CNTNAP2: variants seen among roughly 807,000 people sequenced by gnomAD.
The protein encoded by CNTNAP2 is contactin-associated protein-like 2.
CNTNAP2 carries 98 observed loss-of-function variants against 155.2 expected under a neutral mutation model. That is an observed-to-expected ratio of 0.63 (90% CI 0.54 to 0.75). The LOEUF is 0.75. Among genes scored for constraint, CNTNAP2 ranks in the 30% least tolerant of loss-of-function variants. CNTNAP2 has a pLI of 0.00. For missense variants in CNTNAP2, 1,727 were observed against 1,688.1 expected (o/e 1.02, Z -0.40); for synonymous variants, 651 against 631.2 (o/e 1.03, Z -0.47).
At chr7:147,834,016 G>A (rs1368509372) in intron 13 of CNTNAP2, among the ~76,000 whole-genome samples, 1 of 152,152 alleles carries the variant, frequency 6.6e-6, no homozygotes, top group South Asian at 2.1e-4. Flanking sequence ...CACCTCAAAG[G>A]AAGAATTGAA....
intron 21 of CNTNAP2, among the ~76,000 whole-genome samples, chr7:148,295,748 C>T (rs879820352): frequency 4.6e-5 from 7 of 152,178 alleles, no homozygotes; most frequent in Non-Finnish European, 8.8e-5. Flanking sequence ...GCCTCGGCCT[C>T]CCAAAGTGCT....
chr7:147,395,535 A>G, intron 9 of CNTNAP2, 74 bp from the exon 10 acceptor site: 1 of 1,436,230 alleles, frequency 7.0e-7, no homozygotes, highest in South Asian at 1.2e-5. Flanking sequence ...GTGGCCAGGT[A>G]GAATACCCAC....
rs571126520 is a variant in CNTNAP2 at position 147,963,257 on chromosome 7, A to G, written c.2256-14605A>G. On this transcript the variant is annotated intron_variant, in intron 14 of 23. Coordinates refer to ENST00000361727, the MANE Select transcript of CNTNAP2 (RefSeq NM_014141.6). ...AAGAATGTGCTATAGAGACAAAGAG[A>G]TAAATATCTGAAACCAAGGCCCCAG... Among the ~76,000 whole-genome samples, 68 of 152,276 alleles carry G rather than the reference A, an allele frequency of 4.5e-4. 1 individual carries two copies. Among genetic ancestry groups the G allele is most frequent in the African/African-American group, 1.5e-3 (64 of 41,574 alleles).
In CNTNAP2 at chr7:146,277,358, G is replaced by A. The variant is rs535582269; in HGVS notation, c.97+160385G>A. Among the ~76,000 whole-genome samples the A allele has an allele frequency of 2.0e-3, 309 of 152,264 alleles. 3 individuals are homozygous for A. Among genetic ancestry groups the A allele is most frequent in the African/African-American group, 7.0e-3 (290 of 41,554 alleles). On this transcript the variant is annotated intron_variant, in intron 1 of 23. Coordinates refer to ENST00000361727, the MANE Select transcript of CNTNAP2 (RefSeq NM_014141.6). ...ACCTAGAAAGAAGAAATATATAGGAGTAAAAGTCATGAACGGCAGCTTGCA... is the reference window on the plus strand; with the variant it reads ...ACCTAGAAAGAAGAAATATATAGGAATAAAAGTCATGAACGGCAGCTTGCA...
intron 13 of CNTNAP2, among the ~76,000 whole-genome samples, chr7:147,825,952 A>C (rs949981819): frequency 1.1e-4 from 16 of 152,160 alleles, no homozygotes; most frequent in Non-Finnish European, 2.4e-4. Context: ...GACCATTCTC[A>C]CTTCGGTTCC....
intron 1 of CNTNAP2, among the ~76,000 whole-genome samples, chr7:146,651,924 G>A (rs189624886): frequency 1.2e-3 from 186 of 152,164 alleles, no homozygotes; most frequent in African/African-American, 4.2e-3. Context: ...TGCACACAAT[G>A]GATGGGCTTA....
chr7:146,866,040 A>G (rs2129206250), intron 3 of CNTNAP2, among the ~76,000 whole-genome samples: 1 of 152,214 alleles, frequency 6.6e-6, no homozygotes, highest in East Asian at 1.9e-4. Flanking sequence ...CATTTCTGTT[A>G]TTATTCAGAG....
At chr7:148,141,625 C>A (rs1002096190) in intron 16 of CNTNAP2, among the ~76,000 whole-genome samples, 13 of 152,108 alleles carry the variant, frequency 8.5e-5, no homozygotes, top group African/African-American at 2.9e-4. Flanking sequence ...GAACAATGAA[C>A]AAAACAGAAA....
intron 12 of CNTNAP2, among the ~76,000 whole-genome samples, chr7:147,605,764 G>T (rs1584849749): frequency 6.6e-6 from 1 of 152,112 alleles, no homozygotes; most frequent in East Asian, 1.9e-4. Flanking sequence ...CGGAACAGAA[G>T]AGCAGAGAGA....
At chr7:146,387,453 A>G (rs1439953647) in intron 1 of CNTNAP2, among the ~76,000 whole-genome samples, 2 of 152,124 alleles carry the variant, frequency 1.3e-5, no homozygotes, top group African/African-American at 2.4e-5. Flanking sequence ...TTTCTTCTCT[A>G]CTTCTTCCGG....
At chr7:147,426,447 T>TTC (rs1224823630) in intron 10 of CNTNAP2, among the ~76,000 whole-genome samples, 2 of 152,164 alleles carry the variant, frequency 1.3e-5, no homozygotes, top group Non-Finnish European at 2.9e-5. Context: ...GGAGCTGTAC[T>TTC]TGAAGTTTCA....
In CNTNAP2 at chr7:148,107,473, G is replaced by A. The variant is rs553532956; in HGVS notation, c.2384-10645G>A. Among the ~76,000 whole-genome samples, 7 of 152,328 alleles carry A rather than the reference G, an allele frequency of 4.6e-5. No individual in the cohort carries two copies. In the South Asian group the frequency reaches 1.4e-3, roughly 32 times the overall value. On this transcript the variant is annotated intron_variant, in intron 15 of 23. Transcript: ENST00000361727. Reference sequence around the variant, plus strand: ...TGGACGGGAAGAAATGCTGCAGAGAGAGTGGCTGACTCAAACCCATGGACA... The same window carrying A: ...TGGACGGGAAGAAATGCTGCAGAGAAAGTGGCTGACTCAAACCCATGGACA...
At position 148,418,091 on chromosome 7, in the gene CNTNAP2, T is replaced by TA. The variant is rs1490615924; in HGVS notation, c.*2477dup. On this transcript the variant is annotated 3_prime_UTR_variant, in exon 24 of 24. Coordinates refer to ENST00000361727, the MANE Select transcript of CNTNAP2 (RefSeq NM_014141.6). ...GGAAACCAAACGGTGGATAAAGTAT[T>TA]AAGTAACTAAGTGCCAAATAAATGC... The TA allele has an allele frequency of 2.0e-5, 3 of 152,206 alleles. No individual in the cohort carries two copies. The highest frequency in any genetic ancestry group is 7.2e-5 in the African/African-American group (3 of 41,436). The allele number at this position is 152,206 out of a possible 1,614,324, so 9.4% of individuals were successfully genotyped here.
intron 1 of CNTNAP2, among the ~76,000 whole-genome samples, chr7:146,579,641 A>T (rs983909813): frequency 2.0e-5 from 3 of 152,120 alleles, no homozygotes; most frequent in Non-Finnish European, 2.9e-5. Flanking sequence ...TATGTAGTTC[A>T]TCATTCATCA....
At chr7:147,622,947 C>T (rs1794894212) in intron 12 of CNTNAP2, among the ~76,000 whole-genome samples, 1 of 151,802 alleles carries the variant, frequency 6.6e-6, no homozygotes, top group Non-Finnish European at 1.5e-5. Context: ...CAACTGATAC[C>T]ACAGAAATTA....
chr7:147,765,906 A>C (rs1440404283), intron 13 of CNTNAP2, among the ~76,000 whole-genome samples: 3 of 152,216 alleles, frequency 2.0e-5, no homozygotes, highest in Non-Finnish European at 4.4e-5. Context: ...GGAAAGAACA[A>C]ACTGCTGACA....
chr7:146,751,140 C>T (rs1266620939), intron 1 of CNTNAP2, among the ~76,000 whole-genome samples: 2 of 151,966 alleles, frequency 1.3e-5, no homozygotes, highest in South Asian at 2.1e-4. Context: ...TTTTATTGTG[C>T]AGATATATTA....
chr7:147,462,504 GATTTGAATGT>G (rs1407738506), intron 10 of CNTNAP2, among the ~76,000 whole-genome samples: 1 of 152,036 alleles, frequency 6.6e-6, no homozygotes, highest in Non-Finnish European at 1.5e-5. Context: ...TTCATGTTTT[GATTTGAATGT>G]ATGTTCTCAA....
chr7:147,989,967 A>G (rs1483576068), intron 15 of CNTNAP2, among the ~76,000 whole-genome samples: 1 of 152,208 alleles, frequency 6.6e-6, no homozygotes, highest in Admixed American at 6.5e-5. Flanking sequence ...TTAAAAGCAC[A>G]GTCCCCAACA....
Sources: gnomAD v4.1 joint callset for allele counts (sites outside exome capture counted in the v4.1 genomes callset) on GRCh38, gnomAD v4.1.1 for gene constraint, MANE v1.5 for transcripts, NCBI Gene and HGNC (gene_info 2026-07-23, HGNC 2026-07-21) for gene names.